KLRG1: variants seen among roughly 807,000 people sequenced by gnomAD.
KLRG1 encodes killer cell lectin like receptor G1.
KLRG1 carries 16 observed loss-of-function variants against 21.8 expected under a neutral mutation model. That is an observed-to-expected ratio of 0.73 (90% CI 0.50 to 1.11). KLRG1 has a LOEUF of 1.11. Among genes scored for constraint, KLRG1 ranks in the 50% most tolerant of loss-of-function variants. The probability of loss-of-function intolerance (pLI) is 0.00; values close to 1 mark genes in which losing one functional copy is unlikely to be tolerated. For synonymous variants in KLRG1, 69 were observed against 75.9 expected, an observed-to-expected ratio of 0.91 and a Z score of 0.47; for missense variants, 173 against 218.3, an observed-to-expected ratio of 0.79 and a Z score of 1.31.
At chr12:9,094,341 A>G in the KLRG1 span, among the ~76,000 whole-genome samples, 1 of 14,324 alleles carries the variant, frequency 7.0e-5, no homozygotes, top group Non-Finnish European at 1.6e-4. Flanking sequence ...AAAATTGTGC[A>G]TATATATATA....
At chr12:9,196,207 T>G in the KLRG1 span, 1 of 587,076 alleles carries the variant, frequency 1.7e-6, no homozygotes, top group African/African-American at 1.9e-5. Flanking sequence ...TTCTCCTTGG[T>G]TTCATGGTTT....
the KLRG1 span, among the ~76,000 whole-genome samples, chr12:9,091,983 T>C: frequency 2.0e-5 from 3 of 152,202 alleles, no homozygotes; most frequent in African/African-American, 4.8e-5. Context: ...AAATTAGCAA[T>C]GCGTTTGAAA....
the KLRG1 span, among the ~76,000 whole-genome samples, chr12:9,206,246 G>A: frequency 2.0e-5 from 3 of 150,910 alleles, no homozygotes; most frequent in Non-Finnish European, 4.4e-5. Context: ...TAATAAGAAG[G>A]TATATATATA....
chr12:9,130,618 A>G, the KLRG1 span, among the ~76,000 whole-genome samples: 1 of 152,076 alleles, frequency 6.6e-6, no homozygotes, highest in African/African-American at 2.4e-5. Context: ...ATCTATTCAA[A>G]TATTTTGCAC....
chr12:8,992,276 G>A lies in KLRG1; in HGVS notation c.153G>A (p.Leu51=). ...TGGGGCTTCTGACTGCAGTTCTTCT[G>A]AGTGTGCTGCTATACCAGTGGATCC... is the stretch of plus-strand genomic sequence containing the variant. ...IALGLLTAVL[L]SVLLYQWILC... The change falls in exon 2 of 5, where the codon CTG becomes CTA. Residue 51 remains leucine, a synonymous_variant. Transcript: ENST00000356986. The A allele has an allele frequency of 6.2e-7, 1 of 1,613,868 alleles. No individual in the cohort carries two copies. The highest frequency in any genetic ancestry group is 8.5e-7 in the Non-Finnish European group (1 of 1,179,850).
chr12:9,121,370 G>A, the KLRG1 span, among the ~76,000 whole-genome samples: 7 of 151,898 alleles, frequency 4.6e-5, no homozygotes, highest in African/African-American at 9.7e-5. This position sits in a 1 kb window ranked among gnomAD's most constrained non-coding sequence, Gnocchi z 4.4. Context: ...GTGAAACCCC[G>A]TCTCTACTTA....
the KLRG1 span, among the ~76,000 whole-genome samples, chr12:9,059,109 G>A: frequency 4.6e-5 from 7 of 152,166 alleles, no homozygotes; most frequent in East Asian, 5.8e-4. Context: ...AGTAACAGGC[G>A]TCTTTAGCAT....
the KLRG1 span, chr12:9,112,334 T>A: frequency 1.2e-5 from 20 of 1,603,646 alleles, no homozygotes; most frequent in Admixed American, 3.0e-4. Context: ...GGGAAGAAGA[T>A]CTTTCCTTTT....
chr12:9,152,164 T>C, the KLRG1 span: 1 of 1,242,890 alleles, frequency 8.0e-7, no homozygotes. Flanking sequence ...TGGTCTTAGT[T>C]TGGGGATACA....
chr12:8,981,665 T>C (rs1263576990), intron 1 of KLRG1, among the ~76,000 whole-genome samples: 1 of 152,162 alleles, frequency 6.6e-6, no homozygotes, highest in Non-Finnish European at 1.5e-5. Context: ...GTAATATATC[T>C]TTGCGAACAT....
chr12:9,170,631 T>C, the KLRG1 span, among the ~76,000 whole-genome samples: 17 of 152,208 alleles, frequency 1.1e-4, no homozygotes, highest in Non-Finnish European at 1.5e-5. This position sits in a 1 kb window ranked among gnomAD's most constrained non-coding sequence, Gnocchi z 4.6. Flanking sequence ...ATCTCTGTGG[T>C]TCTGAGGACT....
At chr12:8,974,000 T>C (rs1324685502) in intron 1 of KLRG1, among the ~76,000 whole-genome samples, 1 of 152,140 alleles carries the variant, frequency 6.6e-6, no homozygotes, top group Non-Finnish European at 1.5e-5. Context: ...AGCTATAGTT[T>C]TACTTCTTTC....
At chr12:9,190,271 G>A in the KLRG1 span, among the ~76,000 whole-genome samples, 1 of 152,112 alleles carries the variant, frequency 6.6e-6, no homozygotes, top group African/African-American at 2.4e-5. Context: ...GTGGAAGACT[G>A]AATAAAGAAA....
chr12:9,111,023 A>G, the KLRG1 span, among the ~76,000 whole-genome samples: 2 of 152,178 alleles, frequency 1.3e-5, no homozygotes, highest in Non-Finnish European at 2.9e-5. Context: ...TTCAGATGTA[A>G]TCATTAAGAT....
chr12:9,102,463 A>C, the KLRG1 span, among the ~76,000 whole-genome samples: 1 of 151,912 alleles, frequency 6.6e-6, no homozygotes, highest in Non-Finnish European at 1.5e-5. Context: ...CAATCCACCC[A>C]CCTCAGCCTC....
the KLRG1 span, among the ~76,000 whole-genome samples, chr12:9,100,978 A>T: frequency 6.6e-6 from 1 of 152,192 alleles, no homozygotes; most frequent in East Asian, 1.9e-4. Flanking sequence ...GGGTGCACCA[A>T]AATCTCGGAA....
chr12:9,186,039 T>C, the KLRG1 span, among the ~76,000 whole-genome samples: 151 of 152,030 alleles, frequency 9.9e-4, 1 homozygote, highest in South Asian at 4.2e-3. Flanking sequence ...ATCTCCTGAC[T>C]TCATGATCTG....
At chr12:9,168,816 C>T in the KLRG1 span, 4 of 1,342,746 alleles carry the variant, frequency 3.0e-6, no homozygotes, top group Admixed American at 1.7e-5. Context: ...GCATTTTGGG[C>T]ATAGTAATAT....
At chr12:9,201,758 A>G in the KLRG1 span, among the ~76,000 whole-genome samples, 1 of 152,160 alleles carries the variant, frequency 6.6e-6, no homozygotes, top group African/African-American at 2.4e-5. Context: ...ATTTGGTTGA[A>G]AGTAAACCAA....
Sources: allele counts gnomAD v4.1 joint callset (sites outside exome capture counted in the v4.1 genomes callset), GRCh38; gene constraint gnomAD v4.1.1; non-coding constraint Gnocchi (gnomAD v3.1); transcripts MANE v1.5; gene names NCBI Gene and HGNC (gene_info 2026-07-23, HGNC 2026-07-21).